Variants in ACYP2 observed in about 807,000 individuals in gnomAD.
ACYP2 encodes acylphosphatase-2.
A neutral mutation model predicts 11.2 loss-of-function variants in ACYP2; 12 were observed. That is an observed-to-expected ratio of 1.08 (90% CI 0.69 to 1.74). ACYP2 has a LOEUF of 1.74. Ranked by LOEUF, ACYP2 falls within the 40% of genes most tolerant of loss-of-function variation. The probability of loss-of-function intolerance (pLI) is 0.00; values close to 1 mark genes in which losing one functional copy is unlikely to be tolerated. For synonymous variants in ACYP2, 43 were observed against 32.2 expected (o/e 1.33, Z -1.13); for missense variants, 134 against 101.9 (o/e 1.31, Z -1.35).
chr2:53,975,959 C>G (rs1255375378), intron 2 of ACYP2, among the ~76,000 whole-genome samples: 1 of 152,122 alleles, frequency 6.6e-6, no homozygotes, highest in Non-Finnish European at 1.5e-5. Flanking sequence ...ATGCAGTGGC[C>G]CTTCAAAGAA....
intron 4 of ACYP2, among the ~76,000 whole-genome samples, chr2:54,111,685 C>T (rs950446544): frequency 6.6e-6 from 1 of 152,118 alleles, no homozygotes; most frequent in African/African-American, 2.4e-5. Flanking sequence ...ATTTATTTTA[C>T]CTATAAAGTA....
At chr2:54,242,297 C>T (rs1686760588) in intron 6 of ACYP2, among the ~76,000 whole-genome samples, 1 of 152,120 alleles carries the variant, frequency 6.6e-6, no homozygotes, top group East Asian at 1.9e-4. Context: ...AGATAGAATA[C>T]CCTTTGAGAA....
At chr2:54,168,068 A>G (rs1412358950) in intron 6 of ACYP2, among the ~76,000 whole-genome samples, 1 of 152,126 alleles carries the variant, frequency 6.6e-6, no homozygotes, top group Non-Finnish European at 1.5e-5. Context: ...TACATTTCTC[A>G]AAACTGTTTT....
intron 4 of ACYP2, among the ~76,000 whole-genome samples, chr2:54,100,785 TAGAGG>T (rs768892688): frequency 6.6e-6 from 1 of 152,208 alleles, no homozygotes. Context: ...TGAATAATGG[TAGAGG>T]AAAGTACCTG....
chr2:54,100,378 C>T (rs1192999509), intron 4 of ACYP2, among the ~76,000 whole-genome samples: 1 of 150,484 alleles, frequency 6.6e-6, no homozygotes, highest in Non-Finnish European at 1.5e-5. Context: ...TCACGGCTCA[C>T]TGAAGCCTCA....
chr2:54,110,382 TTAA>T (rs1476475186), intron 4 of ACYP2, among the ~76,000 whole-genome samples: 1 of 152,168 alleles, frequency 6.6e-6, no homozygotes, highest in African/African-American at 2.4e-5. Context: ...AGTGACAAAG[TTAA>T]TGATGATTCT....
intron 4 of ACYP2, among the ~76,000 whole-genome samples, chr2:54,125,499 C>T (rs1213379675): frequency 2.6e-5 from 4 of 152,140 alleles, no homozygotes; most frequent in Non-Finnish European, 4.4e-5. Flanking sequence ...CCTGTAATCC[C>T]AGCACTTTGG....
At chr2:54,127,298 C>T (rs1016334799) in intron 4 of ACYP2, among the ~76,000 whole-genome samples, 3 of 152,188 alleles carry the variant, frequency 2.0e-5, no homozygotes, top group African/African-American at 7.2e-5. Flanking sequence ...CACTCATATA[C>T]AGACTACAAA....
intron 4 of ACYP2, among the ~76,000 whole-genome samples, chr2:54,070,867 G>A (rs1677004085): frequency 6.6e-6 from 1 of 151,630 alleles, no homozygotes; most frequent in African/African-American, 2.4e-5. Context: ...CTGCCTGGTA[G>A]CTCTATAGGT....
At chr2:54,186,503 G>A (rs1353245724) in intron 6 of ACYP2, among the ~76,000 whole-genome samples, 4 of 151,886 alleles carry the variant, frequency 2.6e-5, no homozygotes, top group Non-Finnish European at 4.4e-5. Context: ...ATAGCATTTT[G>A]TTGTTGTTGT....
intron 2 of ACYP2, among the ~76,000 whole-genome samples, chr2:54,001,797 A>G (rs1672816612): frequency 6.6e-6 from 1 of 152,232 alleles, no homozygotes; most frequent in African/African-American, 2.4e-5. Flanking sequence ...TAGGCCAAGG[A>G]AGTCTTCCTC....
At chr2:54,154,791 A>AAG (rs1272964867) in intron 6 of ACYP2, among the ~76,000 whole-genome samples, 2 of 152,234 alleles carry the variant, frequency 1.3e-5, no homozygotes, top group Non-Finnish European at 2.9e-5. Context: ...ACCTCATAAA[A>AAG]AGAGTTCAAA....
intron 2 of ACYP2, among the ~76,000 whole-genome samples, chr2:54,044,463 A>G (rs1191843124): frequency 6.6e-6 from 1 of 151,346 alleles, no homozygotes; most frequent in African/African-American, 2.4e-5. Flanking sequence ...AAAAAAAGCC[A>G]AGTGTGGTGG....
intron 4 of ACYP2, among the ~76,000 whole-genome samples, chr2:54,057,618 A>G (rs1255543158): frequency 6.6e-6 from 1 of 152,228 alleles, no homozygotes; most frequent in Non-Finnish European, 1.5e-5. Context: ...TTAGAAGCAT[A>G]CTAAATTTGT....
chr2:54,045,042 A>G (rs1044106397), intron 2 of ACYP2, among the ~76,000 whole-genome samples: 1 of 152,220 alleles, frequency 6.6e-6, no homozygotes, highest in Non-Finnish European at 1.5e-5. Context: ...AGTGCTTTAT[A>G]GATAACAACT....
intron 6 of ACYP2, among the ~76,000 whole-genome samples, chr2:54,237,418 G>A (rs896440179): frequency 6.6e-5 from 10 of 152,094 alleles, no homozygotes; most frequent in African/African-American, 1.9e-4. Context: ...ATCTGGGAGC[G>A]GAATACACCC....
chr2:54,028,268 A>G (rs1674400916), intron 2 of ACYP2, among the ~76,000 whole-genome samples: 1 of 152,042 alleles, frequency 6.6e-6, no homozygotes, highest in South Asian at 2.1e-4. Context: ...CTTCAACTGG[A>G]ATTTGTCTAA....
intron 6 of ACYP2, among the ~76,000 whole-genome samples, chr2:54,159,685 G>T (rs1378480502): frequency 1.3e-5 from 2 of 152,130 alleles, no homozygotes; most frequent in African/African-American, 2.4e-5. Flanking sequence ...ATTAGCACAG[G>T]TTGGAAGCAC....
chr2:54,278,744 T>C (rs1422381922), intron 6 of ACYP2, among the ~76,000 whole-genome samples: 1 of 152,264 alleles, frequency 6.6e-6, no homozygotes, highest in African/African-American at 2.4e-5. Flanking sequence ...AGTTTCATAA[T>C]GAAACATACC....
Sources: allele counts gnomAD v4.1 joint callset (sites outside exome capture counted in the v4.1 genomes callset), GRCh38; gene constraint gnomAD v4.1.1; transcripts MANE v1.5; gene names NCBI Gene and HGNC (gene_info 2026-07-23, HGNC 2026-07-21).